The following PRELID2 variants were observed in gnomAD, a reference collection of about 807,000 sequenced individuals.
PRELID2 encodes the protein PRELI domain containing 2.
In PRELID2, 25 loss-of-function variants were observed where a neutral mutation model predicts 28.4. The observed-to-expected ratio is 0.88, with a 90% CI of 0.64 to 1.23. The LOEUF (loss-of-function observed/expected upper bound fraction) is 1.23, where lower values mean the gene tolerates loss of function less well. Among genes scored for constraint, PRELID2 ranks in the 50% most tolerant of loss-of-function variants. The probability of loss-of-function intolerance (pLI) is 0.00; values close to 1 mark genes in which losing one functional copy is unlikely to be tolerated. For synonymous variants in PRELID2, 76 were observed against 71.6 expected (o/e 1.06, Z -0.31); for missense variants, 201 against 214.4 (o/e 0.94, Z 0.39).
intron 1 of PRELID2, among the ~76,000 whole-genome samples, chr5:145,626,926 C>T (rs1410081641): frequency 6.6e-6 from 1 of 151,372 alleles, no homozygotes; most frequent in Non-Finnish European, 1.5e-5. Flanking sequence ...ATGGTGAAAC[C>T]CTGTCTCTAC....
chr5:145,290,393 A>AC, the PRELID2 span, among the ~76,000 whole-genome samples: 1 of 148,632 alleles, frequency 6.7e-6, no homozygotes, highest in African/African-American at 2.6e-5. Flanking sequence ...AATGTGGCAC[A>AC]TATACACCAT....
chr5:145,293,494 G>T, the PRELID2 span, among the ~76,000 whole-genome samples: 7 of 152,080 alleles, frequency 4.6e-5, no homozygotes, highest in Non-Finnish European at 1.0e-4. Flanking sequence ...CACAAGTATA[G>T]CTAATATAAG....
At chr5:145,376,007 G>A in the PRELID2 span, among the ~76,000 whole-genome samples, 33 of 152,264 alleles carry the variant, frequency 2.2e-4, no homozygotes, top group South Asian at 1.4e-3. Context: ...AGCTTTTGCC[G>A]TTCAGTATGA....
chr5:145,663,491 C>T lies in PRELID2; in HGVS notation n.70+101440G>A, dbSNP rs534465353. The stretch of plus-strand genomic sequence containing the variant: ...AAGGCAGCAGGAATTCAGAGGGAAG[C>T]TTCACGGAGGAAGGGACTTATACTG... On this transcript the variant is annotated intron_variant and non_coding_transcript_variant, in intron 1 of 2. Coordinates refer to the PRELID2 transcript ENST00000510259. 5.3e-5 allele frequency among the ~76,000 whole-genome samples: 8 copies of T among 152,234 alleles called. No homozygotes were observed. In the South Asian group the frequency reaches 1.7e-3, roughly 32 times the overall value.
the PRELID2 span, among the ~76,000 whole-genome samples, chr5:145,442,589 T>G: frequency 6.6e-6 from 1 of 152,006 alleles, no homozygotes; most frequent in African/African-American, 2.4e-5. Context: ...CATTTATTAT[T>G]AAGTTTAGTG....
chr5:145,467,696 G>A (rs937527343), downstream of PRELID2, among the ~76,000 whole-genome samples: 5 of 151,364 alleles, frequency 3.3e-5, no homozygotes, highest in Non-Finnish European at 5.9e-5. Flanking sequence ...GCAATTCATG[G>A]CCTTAATTGT....
the PRELID2 span, among the ~76,000 whole-genome samples, chr5:145,258,071 A>G: frequency 3.9e-5 from 6 of 152,120 alleles, no homozygotes; most frequent in East Asian, 1.9e-4. Flanking sequence ...TTTGCCTTCC[A>G]TAATTAGAAG....
At chr5:145,331,157 A>G in the PRELID2 span, among the ~76,000 whole-genome samples, 1 of 151,902 alleles carries the variant, frequency 6.6e-6, no homozygotes, top group Non-Finnish European at 1.5e-5. Context: ...TATGATTTCC[A>G]TTCTTTTGCA....
the PRELID2 span, among the ~76,000 whole-genome samples, chr5:145,352,178 G>A: frequency 2.0e-5 from 3 of 152,266 alleles, no homozygotes; most frequent in Admixed American, 6.5e-5. Context: ...GTGGAGGAGG[G>A]TCCAACTCCA....
intron 1 of PRELID2, among the ~76,000 whole-genome samples, chr5:145,596,716 A>T (rs527559212): frequency 5.3e-5 from 8 of 152,230 alleles, no homozygotes; most frequent in Non-Finnish European, 8.8e-5. Flanking sequence ...GAGTTCGTAC[A>T]TGAGATAAAC....
chr5:145,479,061 C>T (rs1752133559), intron 1 of PRELID2, among the ~76,000 whole-genome samples: 1 of 152,150 alleles, frequency 6.6e-6, no homozygotes, highest in Non-Finnish European at 1.5e-5. Context: ...GAAGTAAGGA[C>T]TCCATTGGCC....
At chr5:145,414,850 G>A in the PRELID2 span, among the ~76,000 whole-genome samples, 2 of 152,268 alleles carry the variant, frequency 1.3e-5, no homozygotes, top group African/African-American at 4.8e-5. Context: ...GATTTCATTT[G>A]AATATGTCCA....
intron 1 of PRELID2, among the ~76,000 whole-genome samples, chr5:145,833,840 C>G (rs1198361059): frequency 6.6e-6 from 1 of 152,178 alleles, no homozygotes; most frequent in Non-Finnish European, 1.5e-5. Flanking sequence ...GCAAATTTTG[C>G]TTATGAAAAC....
intron 1 of PRELID2, among the ~76,000 whole-genome samples, chr5:145,480,941 T>C (rs1482634777): frequency 1.3e-5 from 2 of 152,190 alleles, no homozygotes; most frequent in Non-Finnish European, 2.9e-5. Flanking sequence ...TTAAGTTCTA[T>C]TTCACTGAGA....
intron 5 of PRELID2, among the ~76,000 whole-genome samples, chr5:145,772,622 G>T (rs558074188): frequency 2.6e-5 from 4 of 152,266 alleles, no homozygotes; most frequent in African/African-American, 7.2e-5. Flanking sequence ...TAATTGGCAT[G>T]AATCCATTCA....
At chr5:145,604,083 T>C (rs1753458396) in intron 1 of PRELID2, among the ~76,000 whole-genome samples, 1 of 152,040 alleles carries the variant, frequency 6.6e-6, no homozygotes, top group South Asian at 2.1e-4. Flanking sequence ...TTAAATTATA[T>C]TTATATTTTT....
the PRELID2 span, among the ~76,000 whole-genome samples, chr5:145,364,978 A>AAAGGAT: frequency 6.6e-6 from 1 of 152,022 alleles, no homozygotes; most frequent in Non-Finnish European, 1.5e-5. Context: ...AAGTAGTCAG[A>AAAGGAT]AAGGATTTTT....
chr5:145,373,364 ATAT>A, the PRELID2 span, among the ~76,000 whole-genome samples: 8 of 74,634 alleles, frequency 1.1e-4, no homozygotes, highest in African/African-American at 1.5e-4. Flanking sequence ...AATATATATG[ATAT>A]TATATATTAC....
At chr5:145,257,948 G>C in the PRELID2 span, among the ~76,000 whole-genome samples, 1 of 152,146 alleles carries the variant, frequency 6.6e-6, no homozygotes, top group African/African-American at 2.4e-5. Context: ...TGGTACTGCT[G>C]TCGTGACAGT....
Sources: gnomAD v4.1 joint callset for allele counts (sites outside exome capture counted in the v4.1 genomes callset) on GRCh38, gnomAD v4.1.1 for gene constraint, MANE v1.5 for transcripts, NCBI Gene and HGNC (gene_info 2026-07-23, HGNC 2026-07-21) for gene names.